HMCN2: variants seen among roughly 807,000 people sequenced by gnomAD.
HMCN2 encodes the protein hemicentin 2, also known as hemicentin-2.
A neutral mutation model predicts 377.5 loss-of-function variants in HMCN2; 325 were observed. The observed-to-expected ratio is 0.86, with a 90% CI of 0.79 to 0.94. The LOEUF (loss-of-function observed/expected upper bound fraction) is 0.94. Ranked by LOEUF, HMCN2 falls within the 40% of genes least tolerant of loss-of-function variation. The pLI, the probability that HMCN2 is intolerant of heterozygous loss-of-function variation, is 0.00. For missense variants in HMCN2, 4,543 were observed against 4,725.3 expected (o/e 0.96, Z 1.13); for synonymous variants, 2,007 against 2,046.8 (o/e 0.98, Z 0.53).
At chr9:130,417,709 C>T (rs1843774699) in intron 85 of HMCN2, among the ~76,000 whole-genome samples, 1 of 152,128 alleles carries the variant, frequency 6.6e-6, no homozygotes, top group Non-Finnish European at 1.5e-5. Context: ...CCCCCAGAAC[C>T]TCTGGAGGAA....
intron 11 of HMCN2, among the ~76,000 whole-genome samples, chr9:130,305,525 C>T (rs1836800084): frequency 1.3e-5 from 2 of 152,196 alleles, no homozygotes; most frequent in Non-Finnish European, 2.9e-5. Context: ...CAAGCATTCT[C>T]TCTTGTGCCA....
At chr9:130,398,227 C>A (rs1842704801) in intron 74 of HMCN2, among the ~76,000 whole-genome samples, 1 of 151,562 alleles carries the variant, frequency 6.6e-6, no homozygotes. Flanking sequence ...ATCAGATGCC[C>A]CAGTCTCCTC....
At chr9:130,410,061 A>G (rs933019764) in intron 84 of HMCN2, among the ~76,000 whole-genome samples, 6 of 152,240 alleles carry the variant, frequency 3.9e-5, no homozygotes, top group African/African-American at 1.2e-4. Flanking sequence ...CACTGGCACA[A>G]TAAATGCCCT....
At chr9:130,407,852 T>A in intron 83 of HMCN2, 147 bp downstream of exon 83, 2 of 511,432 alleles carry the variant, frequency 3.9e-6, no homozygotes, top group Non-Finnish European at 5.5e-6. Context: ...TGGGGGACTT[T>A]AAATTCTGAA....
At chr9:130,283,369 G>A (rs7866146) in intron 1 of HMCN2, among the ~76,000 whole-genome samples, 103,656 of 150,906 alleles carry the variant, frequency 0.69, 35,904 homozygotes, top group African/African-American at 0.77. Flanking sequence ...ATTGCCAAAT[G>A]TTAAACAGCC....
chr9:130,334,758 CTT>C (rs1564791753), intron 22 of HMCN2, among the ~76,000 whole-genome samples: 2 of 87,328 alleles, frequency 2.3e-5, no homozygotes, highest in African/African-American at 3.5e-5. Context: ...CTCTCTCTCT[CTT>C]CTCTCTCTCT....
intron 8 of HMCN2, among the ~76,000 whole-genome samples, chr9:130,300,169 A>G (rs1404112280): frequency 6.6e-6 from 1 of 151,590 alleles, no homozygotes; most frequent in African/African-American, 2.4e-5. Context: ...CCATCCATCT[A>G]TCCATTCATT....
chr9:130,324,410 C>T (rs1472614973), intron 19 of HMCN2, among the ~76,000 whole-genome samples: 8 of 152,264 alleles, frequency 5.3e-5, no homozygotes, highest in African/African-American at 1.7e-4. Context: ...AAAAACTCAG[C>T]GGAAGGTACA....
intron 6 of HMCN2, 146 bp downstream of exon 6, chr9:130,295,918 C>A (rs7045548): frequency 0.71 from 258,005 of 361,434 alleles, 93,481 homozygotes; most frequent in East Asian, 0.97. Flanking sequence ...ATAGAAGTAA[C>A]GGGTCAAGGA....
chr9:130,433,412 C>G lies in HMCN2; in HGVS notation c.14959C>G (p.Leu4987Val), dbSNP rs1844885258. 1.3e-6 allele frequency: 2 copies of G among 1,493,040 alleles called. No homozygotes were observed. Among genetic ancestry groups the G allele is most frequent in the Non-Finnish European group, 1.8e-6 (2 of 1,129,644 alleles). 92.5% of individuals were successfully genotyped at this position (1,493,040 alleles called of 1,614,324 possible). A position where few individuals can be genotyped will look rare whatever the true frequency, so the allele number is the denominator to read the frequency against. Residue 4987 changes from leucine to valine, a missense_variant, in exon 98 of 98, where the codon CTG becomes GTG. By Grantham distance (32) the Leu-to-Val change is conservative. Coordinates refer to ENST00000683500, the MANE Select transcript of HMCN2 (RefSeq NM_001291815.2). ...CGGCCCCTCTACGCTGCAGTACCGG[C>G]TGCTGCCGCTGCCCCTGGGCGTGCG... The part of the protein sequence containing the change: ...TGGPSTLQYR[L>V]LPLPLGVRAH...
chr9:130,331,686 C>T (rs938179733), intron 22 of HMCN2, among the ~76,000 whole-genome samples: 8 of 152,178 alleles, frequency 5.3e-5, no homozygotes, highest in African/African-American at 1.7e-4. Context: ...GAGAGCATCT[C>T]GGGGCTCTGG....
At chr9:130,333,484 G>A (rs1017150021) in intron 22 of HMCN2, among the ~76,000 whole-genome samples, 6 of 152,190 alleles carry the variant, frequency 3.9e-5, no homozygotes, top group Non-Finnish European at 8.8e-5. Flanking sequence ...GCGCCTCACT[G>A]CAGGGGCTCA....
chr9:130,303,358 G>A lies in HMCN2; in HGVS notation c.1422-129G>A, dbSNP rs2131341176. On this transcript the variant is annotated intron_variant, in intron 9 of 97. Transcript: ENST00000683500. This position sits in a 1 kb window ranked among gnomAD's most constrained non-coding sequence, Gnocchi z 5.2. ...AATTTCCATGTGCTTGGCTGTGTAT[G>A]TCTTCTTACCGCATCTCACAGAGGA... The A allele has an allele frequency of 6.6e-6, 2 of 303,472 alleles. No homozygotes were observed. The highest frequency in any genetic ancestry group is 5.3e-5 in the South Asian group (2 of 37,800). The allele number at this position is 303,472 out of a possible 1,614,324, so 18.8% of individuals were successfully genotyped here.
At chr9:130,323,949 G>C (rs1045755899) in intron 19 of HMCN2, among the ~76,000 whole-genome samples, 2 of 152,256 alleles carry the variant, frequency 1.3e-5, no homozygotes, top group Admixed American at 1.3e-4. Flanking sequence ...TGATCCACCT[G>C]CCTCAGCCTC....
chr9:130,324,947 T>A (rs1642212588), intron 19 of HMCN2, among the ~76,000 whole-genome samples: 1 of 151,362 alleles, frequency 6.6e-6, no homozygotes, highest in African/African-American at 2.4e-5. Flanking sequence ...TTTTGTGGGT[T>A]TGGACAAATG....
At chr9:130,312,544 CTTTCT>C (rs1837311362) in intron 15 of HMCN2, among the ~76,000 whole-genome samples, 3 of 9,642 alleles carry the variant, frequency 3.1e-4, no homozygotes, top group African/African-American at 7.3e-4. Flanking sequence ...TCCCTCCTTT[CTTTCT>C]TTCTTTCTTT....
Position 130,403,773 on chromosome 9 carries a change from C to A in HMCN2, c.12046C>A (p.Leu4016Met). Residue 4016 changes from leucine to methionine, a missense_variant, in exon 80 of 98, where the codon CTG becomes ATG. Transcript: ENST00000683500. ...VSTQVLPGGQ[L>M]RIAHASPEDA... The stretch of plus-strand genomic sequence containing the variant: ...TACCCAGGTCCTACCAGGCGGACAG[C>A]TGCGGATTGCCCATGCCAGCCCAGA... The A allele has an allele frequency of 5.4e-6, 7 of 1,289,856 alleles. No homozygotes were observed. The highest frequency in any genetic ancestry group is 7.1e-6 in the Non-Finnish European group (7 of 988,868). The allele number at this position is 1,289,856 out of a possible 1,614,324, so 79.9% of individuals were successfully genotyped here.
Position 130,391,290 on chromosome 9 carries a change from G to T in HMCN2, c.9754G>T (p.Gly3252Trp). 4 of 987,676 alleles carry T rather than the reference G, an allele frequency of 4.0e-6. No homozygotes were observed. Among genetic ancestry groups the T allele is most frequent in the Non-Finnish European group, 4.8e-6 (4 of 830,124 alleles). 61.2% of individuals were successfully genotyped at this position (987,676 alleles called of 1,614,324 possible). A position where few individuals can be genotyped will look rare whatever the true frequency, so the allele number is the denominator to read the frequency against. ...GGTGCGGCTGGACTGTGAGGCCGAT[G>T]GGCAGCCGCCGCCGGACGTGGCCTG... is the stretch of plus-strand genomic sequence containing the variant. ...QEVRLDCEAD[G>W]QPPPDVAWLK... The change falls in exon 64 of 98, where the codon GGG becomes TGG. Residue 3252 changes from glycine (G) to tryptophan (W), a missense_variant. Transcript: ENST00000683500.
chr9:130,431,083 T>C lies in HMCN2; in HGVS notation c.14648-284T>C, dbSNP rs1844718385. ...AAGAGGAGGTGGCCTGCCCCAGGGC[T>C]GATGCCTCGGCATTCCCGCCTGGAC... is the stretch of plus-strand genomic sequence containing the variant. On this transcript the variant is annotated intron_variant, in intron 95 of 97. Coordinates refer to ENST00000683500, the MANE Select transcript of HMCN2 (RefSeq NM_001291815.2). The C allele has an allele frequency of 1.5e-5, 8 of 532,112 alleles. No homozygotes were observed. In the South Asian group the frequency reaches 1.8e-4, roughly 12 times the overall value. 33.0% of individuals were successfully genotyped at this position (532,112 alleles called of 1,614,324 possible).
Sources: allele counts gnomAD v4.1 joint callset (sites outside exome capture counted in the v4.1 genomes callset), GRCh38; gene constraint gnomAD v4.1.1; non-coding constraint Gnocchi (gnomAD v3.1); transcripts MANE v1.5; gene names NCBI Gene and HGNC (gene_info 2026-07-23, HGNC 2026-07-21).